NRG1: variants seen among roughly 807,000 people sequenced by gnomAD.
NRG1 encodes pro-neuregulin-1, membrane-bound isoform.
In NRG1, 18 loss-of-function variants were observed where a neutral mutation model predicts 63.8. The ratio of observed to expected loss-of-function variants is 0.28; its 90% CI spans 0.19 to 0.42. NRG1 has a LOEUF of 0.42. Ranked by LOEUF, NRG1 falls within the 10% of genes least tolerant of loss-of-function variation. NRG1 has a pLI of 1.00. For missense variants in NRG1, 762 were observed against 814.7 expected, an observed-to-expected ratio of 0.94 and a Z score of 0.79; for synonymous variants, 302 against 301.3, an observed-to-expected ratio of 1.00 and a Z score of -0.02.
intron 1 of NRG1, among the ~76,000 whole-genome samples, chr8:31,951,392 G>A (rs1368564719): frequency 6.6e-6 from 1 of 152,124 alleles, no homozygotes; most frequent in Non-Finnish European, 1.5e-5. Context: ...CCGTGAGTTG[G>A]AACAACCTAC....
chr8:32,462,591 G>GATT, intron 1 of NRG1, among the ~76,000 whole-genome samples: 1 of 131,378 alleles, frequency 7.6e-6, no homozygotes, highest in East Asian at 2.2e-4. Context: ...TAGACACACT[G>GATT]ATTCTTTTTT....
chr8:32,300,714 G>A (rs536895271), intron 1 of NRG1, among the ~76,000 whole-genome samples: 9 of 152,308 alleles, frequency 5.9e-5, no homozygotes, highest in East Asian at 5.8e-4. Flanking sequence ...CTATACACAC[G>A]AGAGATGCAC....
At chr8:32,465,040 T>C (rs575267097) in intron 1 of NRG1, among the ~76,000 whole-genome samples, 72 of 152,210 alleles carry the variant, frequency 4.7e-4, no homozygotes, top group African/African-American at 1.7e-3. Context: ...CTGGGTTTGG[T>C]GGTGTGTGCC....
intron 1 of NRG1, among the ~76,000 whole-genome samples, chr8:31,645,259 G>A (rs901245472): frequency 2.0e-5 from 3 of 152,222 alleles, no homozygotes; most frequent in South Asian, 2.1e-4. Flanking sequence ...GTACTTGAAC[G>A]TTTGCTTAGT....
chr8:32,131,679 T>G, intron 1 of NRG1, among the ~76,000 whole-genome samples: 1 of 152,050 alleles, frequency 6.6e-6, no homozygotes, highest in East Asian at 1.9e-4. Context: ...GCCATGTATA[T>G]TAATGCCTTT....
chr8:31,712,018 A>C (rs937377442), intron 1 of NRG1, among the ~76,000 whole-genome samples: 1 of 152,154 alleles, frequency 6.6e-6, no homozygotes, highest in South Asian at 2.1e-4. Flanking sequence ...CACACTCCAA[A>C]TACGTTTGTT....
chr8:32,444,872 T>C (rs1192414004), intron 1 of NRG1, among the ~76,000 whole-genome samples: 1 of 152,238 alleles, frequency 6.6e-6, no homozygotes, highest in African/African-American at 2.4e-5. Flanking sequence ...GAGATGGGAC[T>C]GAATCAGTTC....
At chr8:31,679,955 G>A (rs1808145045) in intron 1 of NRG1, among the ~76,000 whole-genome samples, 1 of 151,874 alleles carries the variant, frequency 6.6e-6, no homozygotes, top group African/African-American at 2.4e-5. Flanking sequence ...ATTTATAGTA[G>A]TATACAAAAT....
rs1455979789 is a variant in NRG1, at chr8:31,640,500, C to T, written c.37+1069C>T. 1 of 1,610,278 alleles carries T rather than the reference C, an allele frequency of 6.2e-7. No individual in the cohort carries two copies. On this transcript the variant is annotated intron_variant, in intron 1 of 10. Transcript: ENST00000519301. The surrounding 1 kb of genome is among the most constrained non-coding windows in gnomAD (Gnocchi z 6.3). Reference sequence around the variant, plus strand: ...TGCACCAGGTGTGGGCGGTGAAAGCCGGGGGCTTGAAGAAGGACTCGCTGC... The same window carrying T: ...TGCACCAGGTGTGGGCGGTGAAAGCTGGGGGCTTGAAGAAGGACTCGCTGC...
At chr8:32,339,478 C>A (rs1803767006) in intron 1 of NRG1, among the ~76,000 whole-genome samples, 1 of 152,090 alleles carries the variant, frequency 6.6e-6, no homozygotes, top group African/African-American at 2.4e-5. Context: ...AGAACAAGTC[C>A]TCATGTCATA....
At chr8:32,582,121 AG>A (rs905481279) in intron 1 of NRG1, among the ~76,000 whole-genome samples, 1 of 91,894 alleles carries the variant, frequency 1.1e-5, no homozygotes, top group African/African-American at 3.3e-5. Context: ...TTTTTGAGAC[AG>A]GGTCTTGCTC....
intron 1 of NRG1, among the ~76,000 whole-genome samples, chr8:32,589,185 CA>C (rs1251189430): frequency 6.6e-6 from 1 of 152,162 alleles, no homozygotes; most frequent in Admixed American, 6.5e-5. Context: ...TTTGTGAGTG[CA>C]GCTCAGAAGA....
chr8:31,727,401 T>G (rs918356255), intron 1 of NRG1, among the ~76,000 whole-genome samples: 4 of 152,226 alleles, frequency 2.6e-5, no homozygotes, highest in Non-Finnish European at 4.4e-5. Flanking sequence ...CTCCTCTAAT[T>G]TCTCATCGTT....
intron 1 of NRG1, among the ~76,000 whole-genome samples, chr8:31,956,055 A>AAC (rs1269635642): frequency 2.1e-5 from 3 of 146,168 alleles, no homozygotes; most frequent in African/African-American, 7.5e-5. Flanking sequence ...AAAAAAAAAC[A>AAC]AAAAAACAAA....
intron 1 of NRG1, among the ~76,000 whole-genome samples, chr8:32,136,060 G>T (rs945868072): frequency 2.0e-5 from 3 of 151,932 alleles, no homozygotes; most frequent in African/African-American, 7.3e-5. Flanking sequence ...TTCTCTAGGT[G>T]CCCTTTGCAT....
rs186277863 is a variant in NRG1, at chr8:31,822,083, T to C, written c.37+182652T>C. Among the ~76,000 whole-genome samples, 594 of 152,336 alleles carry C rather than the reference T, an allele frequency of 3.9e-3. 6 individuals carry two copies. The highest frequency in any genetic ancestry group is 0.014 in the African/African-American group (565 of 41,580). On this transcript the variant is annotated intron_variant, in intron 1 of 10. Transcript: ENST00000519301. The stretch of plus-strand genomic sequence containing the variant: ...AAGTGAAACTTGGGGCATAATGCAT[T>C]CTTTCAAACCTCTGATTGGACATGA...
At chr8:32,101,500 A>G (rs1228460804) in intron 1 of NRG1, among the ~76,000 whole-genome samples, 1 of 121,862 alleles carries the variant, frequency 8.2e-6, no homozygotes, top group Non-Finnish European at 1.8e-5. Flanking sequence ...TTTTTTTTTT[A>G]GTAAAAGCAT....
chr8:32,226,602 A>G (rs1280870695), intron 1 of NRG1, among the ~76,000 whole-genome samples: 1 of 152,182 alleles, frequency 6.6e-6, no homozygotes, highest in Non-Finnish European at 1.5e-5. Context: ...ACTGTTAAAG[A>G]TAACGTTTGG....
intron 2 of NRG1, among the ~76,000 whole-genome samples, chr8:32,599,151 T>G (rs922197413): frequency 2.6e-5 from 4 of 152,114 alleles, no homozygotes; most frequent in Non-Finnish European, 1.5e-5. Context: ...ATTCTTATTT[T>G]TCAGATGCAT....
Sources: gnomAD v4.1 joint callset for allele counts (sites outside exome capture counted in the v4.1 genomes callset) on GRCh38, gnomAD v4.1.1 for gene constraint, Gnocchi (gnomAD v3.1) non-coding constraint, MANE v1.5 for transcripts, NCBI Gene and HGNC (gene_info 2026-07-23, HGNC 2026-07-21) for gene names.